HEATR5A: variants seen among roughly 807,000 people sequenced by gnomAD.
The protein encoded by HEATR5A is HEAT repeat-containing protein 5A.
Under a neutral mutation model 218.8 loss-of-function variants are expected in HEATR5A, and 178 were observed. That is an observed-to-expected ratio of 0.81 (90% confidence interval 0.72 to 0.92). HEATR5A has a LOEUF of 0.92. Among genes scored for constraint, HEATR5A ranks in the 40% least tolerant of loss-of-function variants. The pLI is 0.00. For missense variants in HEATR5A, 2,420 were observed against 2,418.9 expected (o/e 1.00, Z -0.01); for synonymous variants, 864 against 871.6 (o/e 0.99, Z 0.15).
intron 21 of HEATR5A, chr14:31,340,380 C>A: frequency 9.9e-7 from 1 of 1,011,412 alleles, no homozygotes; most frequent in Non-Finnish European, 1.3e-6. Flanking sequence ...CATCTACAAC[C>A]AAAAAATGAC....
At chr14:31,387,026 C>G (rs1254412224) in intron 8 of HEATR5A, 94 bp downstream of exon 8, 3 of 1,190,872 alleles carry the variant, frequency 2.5e-6, no homozygotes, top group Non-Finnish European at 3.6e-6. Context: ...TTCAAGGTTT[C>G]TGTATTAATA....
At chr14:31,345,363 G>T in intron 19 of HEATR5A, 87 bp from the exon 20 acceptor site, 1 of 1,053,516 alleles carries the variant, frequency 9.5e-7, no homozygotes, top group Non-Finnish European at 1.4e-6. Flanking sequence ...GTTGAAGCAA[G>T]TGATAAAGTA....
intron 1 of HEATR5A, among the ~76,000 whole-genome samples, chr14:31,414,525 A>G (rs1226531360): frequency 6.6e-6 from 1 of 152,234 alleles, no homozygotes; most frequent in Non-Finnish European, 1.5e-5. Context: ...AGAGCAATAT[A>G]GGGCTACTTA....
Position 31,343,980 on chromosome 14 carries a change from T to G in HEATR5A, c.3144A>C (p.Gln1048His). 1 of 1,611,938 alleles carries G rather than the reference T, an allele frequency of 6.2e-7. No individual in the cohort carries two copies. Among genetic ancestry groups the G allele is most frequent in the Non-Finnish European group, 8.5e-7 (1 of 1,178,944 alleles). Residue 1048 changes from glutamine (Q) to histidine (H), a missense_variant, in exon 21 of 36, where the codon CAA becomes CAC. Gln to His is a conservative substitution (Grantham distance 24). Transcript: ENST00000543095. ...VMQDNPDCLVQAQAISCLQQL... is the reference protein window; with the variant it reads ...VMQDNPDCLVHAQAISCLQQL... ...GCTGAAGGCAAGAGATGGCCTGAGCTTGAACAAGGCAGTCTGGGTTATCTT... is the reference window on the plus strand; with the variant it reads ...GCTGAAGGCAAGAGATGGCCTGAGCGTGAACAAGGCAGTCTGGGTTATCTT...
At chr14:31,311,305 T>C (rs1899743547) in intron 28 of HEATR5A, among the ~76,000 whole-genome samples, 1 of 152,162 alleles carries the variant, frequency 6.6e-6, no homozygotes, top group African/African-American at 2.4e-5. Context: ...AAGTTCAAAA[T>C]GTAAAAGGCA....
In HEATR5A at chr14:31,394,077, A is replaced by T; in HGVS notation, c.747T>A (p.Ala249=). The T allele has an allele frequency of 6.6e-7, 1 of 1,525,442 alleles. No homozygotes were observed. Among genetic ancestry groups the T allele is most frequent in the Non-Finnish European group, 8.8e-7 (1 of 1,142,838 alleles). The allele number at this position is 1,525,442 out of a possible 1,614,324, so 94.5% of individuals were successfully genotyped here. A position where few individuals can be genotyped will look rare whatever the true frequency, so the allele number is the denominator to read the frequency against. ...SKLLGIILAK[A]VISKHPGTAA... is the part of the protein sequence containing the mutation. ...CTGTTCCTGGATGTTTAGAAATTAC[A>T]GCTTTAGCTAATATTATGCCTAGTA... The change falls in exon 6 of 36, where the codon GCT becomes GCA. Residue 249 remains alanine (A), a synonymous_variant. Transcript: ENST00000543095.
intron 31 of HEATR5A, among the ~76,000 whole-genome samples, chr14:31,306,308 C>T (rs972017726): frequency 2.0e-5 from 3 of 151,988 alleles, no homozygotes; most frequent in Non-Finnish European, 4.4e-5. Flanking sequence ...GGCCACATCC[C>T]GTCTCTAATA....
At position 31,323,615 on chromosome 14, in the gene HEATR5A, G is replaced by T. The variant is rs766747031; in HGVS notation, c.3737C>A (p.Ala1246Glu). The change falls in exon 24 of 36, where the codon GCA becomes GAA. Residue 1246 changes from alanine to glutamate, a missense_variant. By Grantham distance (107) the Ala-to-Glu change is moderately radical (BLOSUM62 -1). Coordinates refer to ENST00000543095, the MANE Select transcript of HEATR5A (RefSeq NM_015473.4). ...TTGTGCTAAAGCAATGTCAAAATGT[G>T]CACTGTTAGCATTCTCACATTGGTT... Reference protein sequence around the residue: ...IINQCENANSAHFDIALAQEM... With the variant: ...IINQCENANSEHFDIALAQEM... The T allele has an allele frequency of 1.9e-6, 3 of 1,611,948 alleles. No individual in the cohort carries two copies. The highest frequency in any genetic ancestry group is 2.5e-6 in the Non-Finnish European group (3 of 1,178,502).
chr14:31,337,723 G>A (rs1238134550), intron 21 of HEATR5A, 109 bp from the exon 22 acceptor site: 4 of 834,164 alleles, frequency 4.8e-6, no homozygotes, highest in African/African-American at 1.7e-5. Flanking sequence ...CCCATCAGTG[G>A]GCTGGACACA....
At chr14:31,323,506 C>T (rs975382895) in intron 24 of HEATR5A, 59 bp downstream of exon 24, 3 of 1,364,272 alleles carry the variant, frequency 2.2e-6, no homozygotes, top group African/African-American at 2.9e-5. Context: ...ATATTAAAAC[C>T]ATAAGCAGAC....
intron 4 of HEATR5A, among the ~76,000 whole-genome samples, chr14:31,396,386 G>C (rs949829634): frequency 6.6e-6 from 1 of 151,912 alleles, no homozygotes; most frequent in Admixed American, 6.6e-5. Context: ...AGAGGGTGCA[G>C]TGAGTACAGA....
chr14:31,308,833 C>A, intron 29 of HEATR5A, 101 bp downstream of exon 29: 1 of 901,302 alleles, frequency 1.1e-6, no homozygotes. Flanking sequence ...TGAAATCGTG[C>A]CACTGTACTC....
chr14:31,402,870 G>A lies in HEATR5A; in HGVS notation c.106C>T (p.Leu36Phe), dbSNP rs1349657318. Reference sequence around the variant, plus strand: ...CCCACCCTGCTGGTTGCCAACAAGAGCTTCTCCAAGTATCTCAACCACTCA... The same window carrying A: ...CCCACCCTGCTGGTTGCCAACAAGAACTTCTCCAAGTATCTCAACCACTCA... ...IFEWLRYLEKLLLATSRNDVR... is the reference protein window; with the variant it reads ...IFEWLRYLEKFLLATSRNDVR... Residue 36 changes from leucine (L) to phenylalanine (F), a missense_variant, in exon 2 of 36, where the codon CTC becomes TTC. Coordinates refer to ENST00000543095, the MANE Select transcript of HEATR5A (RefSeq NM_015473.4). 2 of 1,536,528 alleles carry A rather than the reference G, an allele frequency of 1.3e-6. No homozygotes were observed. The highest frequency in any genetic ancestry group is 1.7e-6 in the Non-Finnish European group (2 of 1,146,936).
chr14:31,310,290 C>T (rs1595083683), intron 28 of HEATR5A, among the ~76,000 whole-genome samples: 8 of 152,204 alleles, frequency 5.3e-5, no homozygotes. Context: ...CCACCTCAGC[C>T]TCCTGAGTAG....
At chr14:31,347,992 G>A (rs761259985) in intron 18 of HEATR5A, 85 bp from the exon 19 acceptor site, 12 of 822,444 alleles carry the variant, frequency 1.5e-5, no homozygotes, top group Non-Finnish European at 2.0e-5. Flanking sequence ...TGTCACTTAG[G>A]CAAAACTTTT....
At position 31,398,831 on chromosome 14, in the gene HEATR5A, T is replaced by C. The variant is rs902679445; in HGVS notation, c.339-50A>G. On this transcript the variant is annotated intron_variant, in intron 3 of 35. Coordinates refer to ENST00000543095, the MANE Select transcript of HEATR5A (RefSeq NM_015473.4). ...TTAGTCACAGCTGAAAAAATAGGAATAAAAAGATCTTAGGATATGTAAGGA... is the reference window on the plus strand; with the variant it reads ...TTAGTCACAGCTGAAAAAATAGGAACAAAAAGATCTTAGGATATGTAAGGA... 19 of 1,010,706 alleles carry C rather than the reference T, an allele frequency of 1.9e-5. No individual in the cohort carries two copies. The Admixed American group carries it at 2.3e-4, about 12-fold the overall frequency. 62.6% of individuals were successfully genotyped at this position (1,010,706 alleles called of 1,614,324 possible).
chr14:31,334,889 T>G (rs1195025659), intron 22 of HEATR5A, among the ~76,000 whole-genome samples: 1 of 137,924 alleles, frequency 7.3e-6, no homozygotes, highest in African/African-American at 2.7e-5. Context: ...GAGCTTGCAG[T>G]GAGCCAAGAT....
At chr14:31,335,637 A>G (rs1900625080) in intron 22 of HEATR5A, among the ~76,000 whole-genome samples, 1 of 152,186 alleles carries the variant, frequency 6.6e-6, no homozygotes, top group African/African-American at 2.4e-5. Context: ...TGGTACTTTG[A>G]AAACTATATA....
intron 19 of HEATR5A, among the ~76,000 whole-genome samples, chr14:31,346,642 T>C (rs938571604): frequency 6.6e-6 from 1 of 152,224 alleles, no homozygotes; most frequent in Non-Finnish European, 1.5e-5. Context: ...TTGATGGGAC[T>C]GGAATAAAGA....
Sources: gnomAD v4.1 joint callset for allele counts (sites outside exome capture counted in the v4.1 genomes callset) on GRCh38, gnomAD v4.1.1 for gene constraint, MANE v1.5 for transcripts, NCBI Gene and HGNC (gene_info 2026-07-23, HGNC 2026-07-21) for gene names.